DNAJC15: variants seen among roughly 807,000 people sequenced by gnomAD.
The protein encoded by DNAJC15 is DnaJ heat shock protein family (Hsp40) member C15, also known as dnaJ homolog subfamily C member 15.
A neutral mutation model predicts 22.4 loss-of-function variants in DNAJC15; 27 were observed. That is an observed-to-expected ratio of 1.20 (90% CI 0.89 to 1.66). The LOEUF (loss-of-function observed/expected upper bound fraction) is 1.66. Ranked by LOEUF, DNAJC15 falls within the 40% of genes most tolerant of loss-of-function variation. The pLI, the probability that DNAJC15 is intolerant of heterozygous loss-of-function variation, is 0.00. For synonymous variants in DNAJC15, 79 were observed against 63.2 expected, an observed-to-expected ratio of 1.25 and a Z score of -1.19; for missense variants, 208 against 187.1, an observed-to-expected ratio of 1.11 and a Z score of -0.65.
chr13:43,036,079 T>G (rs2040427403), intron 1 of DNAJC15, among the ~76,000 whole-genome samples: 1 of 152,140 alleles, frequency 6.6e-6, no homozygotes, highest in East Asian at 1.9e-4. Flanking sequence ...AAAGTCTGCC[T>G]TCTTATCTGA....
intron 1 of DNAJC15, among the ~76,000 whole-genome samples, chr13:43,048,899 C>A (rs1483743762): frequency 6.6e-6 from 1 of 151,972 alleles, no homozygotes; most frequent in Non-Finnish European, 1.5e-5. Flanking sequence ...AAGCCATAAA[C>A]GTCTGAATCG....
chr13:43,090,579 A>G (rs1326468931), intron 5 of DNAJC15, among the ~76,000 whole-genome samples: 1 of 152,196 alleles, frequency 6.6e-6, no homozygotes, highest in Non-Finnish European at 1.5e-5. Context: ...CATGAAAAAA[A>G]CTAACTGGTT....
chr13:43,060,240 A>G (rs2040552086), intron 1 of DNAJC15, among the ~76,000 whole-genome samples: 1 of 152,170 alleles, frequency 6.6e-6, no homozygotes, highest in Admixed American at 6.5e-5. Flanking sequence ...GCGGCGTGGG[A>G]ACCTACAGTT....
At chr13:43,105,613 T>C (rs1422293517) in intron 5 of DNAJC15, among the ~76,000 whole-genome samples, 1 of 152,160 alleles carries the variant, frequency 6.6e-6, no homozygotes, top group Admixed American at 6.5e-5. Flanking sequence ...AGACTCTCTA[T>C]CATCTGTGCC....
At chr13:43,063,285 C>T (rs904974932) in intron 1 of DNAJC15, among the ~76,000 whole-genome samples, 4 of 152,268 alleles carry the variant, frequency 2.6e-5, no homozygotes, top group Non-Finnish European at 2.9e-5. Context: ...GTTGGGATTA[C>T]AGGCGTGAGC....
chr13:43,055,564 G>A (rs971565633), intron 1 of DNAJC15, among the ~76,000 whole-genome samples: 4 of 152,150 alleles, frequency 2.6e-5, no homozygotes, highest in African/African-American at 9.7e-5. Context: ...CAGACAACGA[G>A]GCTGCTTCAG....
At chr13:43,063,329 G>A (rs1004111891) in intron 1 of DNAJC15, among the ~76,000 whole-genome samples, 1 of 152,196 alleles carries the variant, frequency 6.6e-6, no homozygotes, top group Non-Finnish European at 1.5e-5. Flanking sequence ...AGTATTAAAA[G>A]CAGTTCACAT....
intron 4 of DNAJC15, among the ~76,000 whole-genome samples, chr13:43,080,533 A>G (rs1019546974): frequency 9.9e-5 from 15 of 152,234 alleles, no homozygotes; most frequent in African/African-American, 3.1e-4. Context: ...TCTGCAACAC[A>G]TGGTACTTAC....
At chr13:43,101,797 A>G (rs1356229755) in intron 5 of DNAJC15, among the ~76,000 whole-genome samples, 3 of 152,182 alleles carry the variant, frequency 2.0e-5, no homozygotes, top group Non-Finnish European at 4.4e-5. Flanking sequence ...GTATTCCATT[A>G]TAGATATGTA....
chr13:43,092,151 G>C (rs538301137), intron 5 of DNAJC15, among the ~76,000 whole-genome samples: 7 of 152,016 alleles, frequency 4.6e-5, no homozygotes, highest in Admixed American at 1.3e-4. Flanking sequence ...TTTGCTTATG[G>C]TGAAAAGGAT....
intron 5 of DNAJC15, among the ~76,000 whole-genome samples, chr13:43,094,332 C>T (rs1282819986): frequency 6.6e-6 from 1 of 152,224 alleles, no homozygotes; most frequent in Non-Finnish European, 1.5e-5. Context: ...TCAGCAGCTT[C>T]CCCTGGGCAA....
chr13:43,076,022 G>A (rs916297892), intron 3 of DNAJC15, among the ~76,000 whole-genome samples: 1 of 152,002 alleles, frequency 6.6e-6, no homozygotes, highest in Admixed American at 6.6e-5. Context: ...CTTTATATAT[G>A]TGCATACTCT....
Position 43,107,360 on chromosome 13 carries a change from A to T in DNAJC15, c.*112A>T, listed in dbSNP as rs1459553005. ...TTAATTTTCTATATGGATTGACCACAGTCTTATCTTCCACCATTAAGCTGT... is the reference window on the plus strand; with the variant it reads ...TTAATTTTCTATATGGATTGACCACTGTCTTATCTTCCACCATTAAGCTGT... On this transcript the variant is annotated 3_prime_UTR_variant, in exon 6 of 6. Coordinates refer to ENST00000379221, the MANE Select transcript of DNAJC15 (RefSeq NM_013238.3). The T allele has an allele frequency of 1.3e-6, 1 of 776,596 alleles. No individual in the cohort carries two copies. Among genetic ancestry groups the T allele is most frequent in the East Asian group, 3.2e-5 (1 of 31,150 alleles). 48.1% of individuals were successfully genotyped at this position (776,596 alleles called of 1,614,324 possible).
intron 1 of DNAJC15, among the ~76,000 whole-genome samples, chr13:43,050,064 A>C (rs572442333): frequency 6.6e-6 from 1 of 152,158 alleles, no homozygotes; most frequent in East Asian, 1.9e-4. Flanking sequence ...GGCTACAGGC[A>C]CCTGCCAACA....
At chr13:43,097,239 G>A (rs2040744057) in intron 5 of DNAJC15, among the ~76,000 whole-genome samples, 1 of 152,148 alleles carries the variant, frequency 6.6e-6, no homozygotes, top group Admixed American at 6.5e-5. Context: ...AGAGACCTAA[G>A]GCAGTAAGTC....
intron 1 of DNAJC15, among the ~76,000 whole-genome samples, chr13:43,051,522 T>G (rs1167472636): frequency 1.3e-5 from 2 of 152,142 alleles, no homozygotes; most frequent in African/African-American, 4.8e-5. Flanking sequence ...GAACATACAA[T>G]ATTTGGTTTT....
chr13:43,048,725 T>G (rs1450280460), intron 1 of DNAJC15, among the ~76,000 whole-genome samples: 1 of 152,206 alleles, frequency 6.6e-6, no homozygotes, highest in African/African-American at 2.4e-5. Context: ...TTGGTGGCAT[T>G]TGTAACTGAT....
At chr13:43,080,703 T>G (rs547935127) in intron 4 of DNAJC15, among the ~76,000 whole-genome samples, 9 of 152,368 alleles carry the variant, frequency 5.9e-5, no homozygotes, top group Admixed American at 1.3e-4. Context: ...AGTAATAATA[T>G]TCTGCCTTGT....
chr13:43,087,248 A>T (rs1255683237), intron 5 of DNAJC15, among the ~76,000 whole-genome samples: 3 of 152,168 alleles, frequency 2.0e-5, no homozygotes. Context: ...ATAACTGCTC[A>T]TTCACCCAAA....
Sources: allele counts gnomAD v4.1 joint callset (sites outside exome capture counted in the v4.1 genomes callset), GRCh38; gene constraint gnomAD v4.1.1; transcripts MANE v1.5; gene names NCBI Gene and HGNC (gene_info 2026-07-23, HGNC 2026-07-21).